ASIC2: variants seen among roughly 807,000 people sequenced by gnomAD.
The protein encoded by ASIC2 is acid sensing ion channel subunit 2, also known as acid-sensing ion channel 2.
In ASIC2, 25 loss-of-function variants were observed where a neutral mutation model predicts 57.3. The ratio of observed to expected loss-of-function variants is 0.44; its 90% CI spans 0.32 to 0.61. ASIC2 has a LOEUF of 0.61. Ranked by LOEUF, ASIC2 falls within the 20% of genes least tolerant of loss-of-function variation. The pLI is 0.06. For synonymous variants in ASIC2, 319 were observed against 307.5 expected, an observed-to-expected ratio of 1.04 and a Z score of -0.39; for missense variants, 641 against 738.1, an observed-to-expected ratio of 0.87 and a Z score of 1.52.
chr17:33,057,507 A>T (rs1262065627), intron 3 of ASIC2, among the ~76,000 whole-genome samples: 1 of 152,186 alleles, frequency 6.6e-6, no homozygotes, highest in Non-Finnish European at 1.5e-5. Context: ...CCAATGCAAG[A>T]GTTTTAAGAT....
At chr17:33,984,332 G>A (rs981925666) in intron 1 of ASIC2, 1 of 152,228 alleles carries the variant, frequency 6.6e-6, no homozygotes, top group Non-Finnish European at 1.5e-5. Flanking sequence ...GGCCTAGGCA[G>A]GAGGCCCAGT....
At chr17:33,917,428 A>AC (rs1189258496) in intron 1 of ASIC2, among the ~76,000 whole-genome samples, 1 of 151,822 alleles carries the variant, frequency 6.6e-6, no homozygotes, top group African/African-American at 2.4e-5. Context: ...AGTCATTGCA[A>AC]CCCCTTCACA....
chr17:33,209,683 C>G (rs1470126277), intron 1 of ASIC2, among the ~76,000 whole-genome samples: 1 of 152,190 alleles, frequency 6.6e-6, no homozygotes, highest in Admixed American at 6.5e-5. Context: ...TGATCATATC[C>G]TTAGTGCCTG....
intron 1 of ASIC2, among the ~76,000 whole-genome samples, chr17:34,022,890 G>C (rs760842445): frequency 1.1e-4 from 17 of 152,140 alleles, no homozygotes; most frequent in Admixed American, 2.0e-4. Flanking sequence ...CCTGGTGGGA[G>C]GTGACTGGAT....
chr17:33,411,212 C>T (rs1910648069), intron 1 of ASIC2, among the ~76,000 whole-genome samples: 1 of 152,200 alleles, frequency 6.6e-6, no homozygotes, highest in Admixed American at 6.5e-5. Flanking sequence ...TGTGGTCTTC[C>T]TGGCAGCCCT....
intron 1 of ASIC2, among the ~76,000 whole-genome samples, chr17:33,889,065 C>T (rs1914898319): frequency 6.6e-6 from 1 of 152,154 alleles, no homozygotes; most frequent in Non-Finnish European, 1.5e-5. Flanking sequence ...GGGGAACCTA[C>T]TCTTGATAGC....
intron 1 of ASIC2, among the ~76,000 whole-genome samples, chr17:33,383,772 G>C (rs755702750): frequency 6.6e-6 from 1 of 152,224 alleles, no homozygotes; most frequent in African/African-American, 2.4e-5. Flanking sequence ...GGCAGGGATG[G>C]TGATTATGTC....
chr17:33,355,327 G>A (rs1381156432), intron 1 of ASIC2, among the ~76,000 whole-genome samples: 1 of 152,098 alleles, frequency 6.6e-6, no homozygotes, highest in East Asian at 1.9e-4. Context: ...ACAAGACTCC[G>A]TTTCAAAAAA....
intron 1 of ASIC2, among the ~76,000 whole-genome samples, chr17:33,485,029 C>T (rs567406821): frequency 6.0e-4 from 91 of 152,382 alleles, no homozygotes; most frequent in African/African-American, 1.9e-3. Context: ...TTCTACTCTA[C>T]CACAGGCTCA....
At chr17:33,517,138 CAG>C (rs1914596818) in intron 1 of ASIC2, among the ~76,000 whole-genome samples, 1 of 152,138 alleles carries the variant, frequency 6.6e-6, no homozygotes, top group Admixed American at 6.5e-5. Flanking sequence ...TATTTTGAGA[CAG>C]AGTCTCGTTC....
intron 1 of ASIC2, among the ~76,000 whole-genome samples, chr17:33,437,160 C>T (rs374816520): frequency 3.9e-5 from 6 of 152,084 alleles, no homozygotes; most frequent in South Asian, 2.1e-4. Flanking sequence ...CCACCGCGCC[C>T]GGCCCCAACT....
At chr17:33,552,205 A>G (rs1049012064) in intron 1 of ASIC2, among the ~76,000 whole-genome samples, 2 of 152,182 alleles carry the variant, frequency 1.3e-5, no homozygotes, top group African/African-American at 4.8e-5. Context: ...CTTACTAGAG[A>G]AAATGAGAGA....
chr17:34,147,533 T>C (rs1598047498), intron 1 of ASIC2, among the ~76,000 whole-genome samples: 1 of 152,308 alleles, frequency 6.6e-6, no homozygotes, highest in African/African-American at 2.4e-5. Flanking sequence ...AGAATTTCAA[T>C]TTATCAAATA....
chr17:33,932,274 CTG>C (rs1332687154), intron 1 of ASIC2, among the ~76,000 whole-genome samples: 2 of 152,158 alleles, frequency 1.3e-5, no homozygotes, highest in African/African-American at 4.8e-5. Context: ...CTGGTCTAAA[CTG>C]AGATATGCTA....
chr17:33,223,887 G>C (rs1411082395), intron 1 of ASIC2, among the ~76,000 whole-genome samples: 1 of 152,226 alleles, frequency 6.6e-6, no homozygotes, highest in African/African-American at 2.4e-5. Context: ...CCTAGACTCT[G>C]TCTTAGAGGG....
At chr17:33,282,770 G>A (rs954540385) in intron 1 of ASIC2, among the ~76,000 whole-genome samples, 3 of 151,994 alleles carry the variant, frequency 2.0e-5, no homozygotes, top group Admixed American at 1.3e-4. Flanking sequence ...CACCACGCCC[G>A]GCCTCTTTCT....
At chr17:33,826,496 AACAGATAGATTC>A (rs1341817763) in intron 1 of ASIC2, among the ~76,000 whole-genome samples, 5 of 152,178 alleles carry the variant, frequency 3.3e-5, no homozygotes, top group African/African-American at 1.2e-4. Context: ...CTTTCCCTTT[AACAGATAGATTC>A]ACAGGGCTGG....
intron 1 of ASIC2, among the ~76,000 whole-genome samples, chr17:33,165,152 A>T (rs1905270361): frequency 6.6e-6 from 1 of 152,182 alleles, no homozygotes; most frequent in Admixed American, 6.5e-5. Context: ...GAGTTTCTGG[A>T]TGGGCACCCC....
rs141382925 is a variant in ASIC2, at chr17:33,563,701, C to T, written c.556-451634G>A. The stretch of plus-strand genomic sequence containing the variant: ...TCCCAGTTAAAGAACCAGTGAGGGG[C>T]CAGACTGGAAATGATCTCAGAGACC... On this transcript the variant is annotated intron_variant, in intron 1 of 9. Coordinates refer to the ASIC2 transcript ENST00000359872. 5.1e-4 allele frequency among the ~76,000 whole-genome samples: 78 copies of T among 152,194 alleles called. 2 individuals are homozygous for T. In the East Asian group the frequency reaches 0.013, roughly 25 times the overall value.
Sources: gnomAD v4.1 joint callset for allele counts (sites outside exome capture counted in the v4.1 genomes callset) on GRCh38, gnomAD v4.1.1 for gene constraint, MANE v1.5 for transcripts, NCBI Gene and HGNC (gene_info 2026-07-23, HGNC 2026-07-21) for gene names.